The following DOCK2 variants were observed in gnomAD, a reference collection of about 807,000 sequenced individuals.
DOCK2 encodes dedicator of cytokinesis protein 2.
Under a neutral mutation model 248.9 loss-of-function variants are expected in DOCK2, and 87 were observed. The observed-to-expected ratio is 0.35, with a 90% CI of 0.29 to 0.42. DOCK2 has a LOEUF of 0.42. DOCK2 is among the 10% of genes least tolerant of loss of function. The probability of loss-of-function intolerance (pLI) is 1.00; values close to 1 mark genes in which losing one functional copy is unlikely to be tolerated. For missense variants in DOCK2, 1,747 were observed against 2,300.2 expected (o/e 0.76, Z 4.92); for synonymous variants, 805 against 821.6 (o/e 0.98, Z 0.35).
At chr5:169,789,790 T>A (rs901248224) in intron 25 of DOCK2, among the ~76,000 whole-genome samples, 1 of 152,212 alleles carries the variant, frequency 6.6e-6, no homozygotes, top group African/African-American at 2.4e-5. Context: ...CTGTCTCATC[T>A]CTCTATCTTC....
intron 14 of DOCK2, among the ~76,000 whole-genome samples, chr5:169,702,946 T>C (rs1335050337): frequency 2.0e-5 from 3 of 152,184 alleles, no homozygotes; most frequent in African/African-American, 7.2e-5. Flanking sequence ...TAAATTGGTC[T>C]CCAGAGAGCT....
intron 25 of DOCK2, among the ~76,000 whole-genome samples, chr5:169,777,264 A>G (rs1055258088): frequency 6.6e-6 from 1 of 152,196 alleles, no homozygotes; most frequent in Non-Finnish European, 1.5e-5. Context: ...TTGGAGTAAC[A>G]TGATCCAATT....
In DOCK2 at chr5:169,707,061, C is replaced by G. The variant is rs555522909; in HGVS notation, c.1384-1108C>G. ...AATTTCAGGGGCTGGGGCTCCAAAA[C>G]CAAATCTTATGAATCTGGCAATTTG... is the stretch of plus-strand genomic sequence containing the variant. On this transcript the variant is annotated intron_variant, in intron 14 of 51. Transcript: ENST00000520908. Among the ~76,000 whole-genome samples the G allele has an allele frequency of 7.0e-4, 107 of 152,274 alleles. 1 individual carries two copies. The highest frequency in any genetic ancestry group is 2.1e-3 in the African/African-American group (88 of 41,556).
Position 169,669,346 on chromosome 5 carries a change from T to C in DOCK2, c.168+18T>C. 1 of 1,614,074 alleles carries C rather than the reference T, an allele frequency of 6.2e-7. No homozygotes were observed. On this transcript the variant is annotated intron_variant, in intron 3 of 51. Transcript: ENST00000520908. ...TGTTACAGGTAAGGTCACCTGGTTT[T>C]TATTTGTGTCAGTACTGGAGGTCTT...
At position 169,681,825 on chromosome 5, in the gene DOCK2, C is replaced by T. The variant is rs1249690685; in HGVS notation, c.552C>T (p.Phe184=). 1 of 1,613,912 alleles carries T rather than the reference C, an allele frequency of 6.2e-7. No homozygotes were observed. Among genetic ancestry groups the T allele is most frequent in the Admixed American group, 1.7e-5 (1 of 60,004 alleles). The change falls in exon 7 of 52, where the codon TTC becomes TTT. Residue 184 remains phenylalanine, a synonymous_variant. Coordinates refer to ENST00000520908, the MANE Select transcript of DOCK2 (RefSeq NM_004946.3). The part of the protein sequence containing the change: ...DPDNTSVISL[F]HAHEEATDKI... ...ATAATACCAGTGTCATCAGCTTGTT[C>T]CATGCACATGAGGAAGCAACTGATA...
At position 170,083,119 on chromosome 5, in the gene DOCK2, C is replaced by T. The variant is rs1581583454; in HGVS notation, c.*261C>T. ...AAGGTACCAGCAAGAATGCCTTCTCCCAGTGTGCTCTCCCCAACATCCTAG... is the reference window on the plus strand; with the variant it reads ...AAGGTACCAGCAAGAATGCCTTCTCTCAGTGTGCTCTCCCCAACATCCTAG... On this transcript the variant is annotated 3_prime_UTR_variant, in exon 52 of 52. Coordinates refer to ENST00000520908, the MANE Select transcript of DOCK2 (RefSeq NM_004946.3). The T allele has an allele frequency of 8.3e-6, 4 of 482,800 alleles. No homozygotes were observed. The highest frequency in any genetic ancestry group is 5.8e-5 in the African/African-American group (3 of 51,782). 29.9% of individuals were successfully genotyped at this position (482,800 alleles called of 1,614,324 possible).
chr5:169,970,109 T>C (rs1392548875), intron 27 of DOCK2, among the ~76,000 whole-genome samples: 1 of 152,180 alleles, frequency 6.6e-6, no homozygotes, highest in East Asian at 1.9e-4. Context: ...CTTAAAGGCA[T>C]GTTCAGATGA....
intron 30 of DOCK2, among the ~76,000 whole-genome samples, chr5:170,002,573 A>AT (rs1049961889): frequency 4.5e-4 from 69 of 152,150 alleles, no homozygotes; most frequent in Non-Finnish European, 3.7e-4. Flanking sequence ...TCTATCATTT[A>AT]TTTTTTTAAC....
chr5:169,697,359 G>C (rs1324892773), intron 10 of DOCK2, among the ~76,000 whole-genome samples: 1 of 152,184 alleles, frequency 6.6e-6, no homozygotes, highest in Non-Finnish European at 1.5e-5. Context: ...TCAGCCAGCT[G>C]TTCCAAGCTT....
chr5:169,710,772 A>C (rs370179719), intron 15 of DOCK2, among the ~76,000 whole-genome samples: 1 of 152,100 alleles, frequency 6.6e-6, no homozygotes, highest in African/African-American at 2.4e-5. Context: ...CCCATACCCA[A>C]TGCCTTCGAA....
chr5:169,993,298 T>C (rs901823809), intron 29 of DOCK2, among the ~76,000 whole-genome samples: 1 of 152,204 alleles, frequency 6.6e-6, no homozygotes, highest in Non-Finnish European at 1.5e-5. Flanking sequence ...ATTTCTGTTT[T>C]TGTATGGTGC....
intron 22 of DOCK2, among the ~76,000 whole-genome samples, chr5:169,743,920 G>A (rs915131332): frequency 5.4e-5 from 8 of 148,052 alleles, no homozygotes; most frequent in East Asian, 2.0e-4. Context: ...ATAAATTTAA[G>A]ATTTATATTA....
intron 27 of DOCK2, among the ~76,000 whole-genome samples, chr5:169,888,668 G>A (rs1368735787): frequency 6.6e-6 from 1 of 152,204 alleles, no homozygotes; most frequent in Admixed American, 6.5e-5. Context: ...CTACGTAGAT[G>A]AGACTCTTCC....
At chr5:169,856,508 G>A (rs1263296700) in intron 27 of DOCK2, among the ~76,000 whole-genome samples, 1 of 152,128 alleles carries the variant, frequency 6.6e-6, no homozygotes, top group Non-Finnish European at 1.5e-5. Context: ...ACCCACTCCA[G>A]GTCAGCAGCC....
At chr5:169,756,525 A>T (rs1764203013) in intron 23 of DOCK2, among the ~76,000 whole-genome samples, 1 of 152,198 alleles carries the variant, frequency 6.6e-6, no homozygotes, top group Admixed American at 6.5e-5. Context: ...AGGCTCAAGG[A>T]GTGAACAAAT....
intron 29 of DOCK2, among the ~76,000 whole-genome samples, chr5:169,989,340 A>C (rs1037231681): frequency 6.6e-6 from 1 of 152,202 alleles, no homozygotes; most frequent in Non-Finnish European, 1.5e-5. Context: ...AATGAACAAG[A>C]TTATGCCTAG....
intron 27 of DOCK2, among the ~76,000 whole-genome samples, chr5:169,878,976 T>C (rs1005986144): frequency 6.6e-6 from 1 of 152,064 alleles, no homozygotes; most frequent in African/African-American, 2.4e-5. Context: ...TGTATCCAAG[T>C]GTTCAATGGT....
chr5:169,681,285 G>A (rs1581024688), intron 6 of DOCK2, among the ~76,000 whole-genome samples: 1 of 151,592 alleles, frequency 6.6e-6, no homozygotes. Flanking sequence ...CACCATGCCT[G>A]GCTAATTTTT....
chr5:170,079,527 C>T (rs1452869291), intron 49 of DOCK2: 1 of 212,520 alleles, frequency 4.7e-6, no homozygotes, highest in Non-Finnish European at 9.7e-6. Flanking sequence ...CTATTCTAAC[C>T]ACTGATGTCT....
Sources: allele counts gnomAD v4.1 joint callset (sites outside exome capture counted in the v4.1 genomes callset), GRCh38; gene constraint gnomAD v4.1.1; transcripts MANE v1.5; gene names NCBI Gene and HGNC (gene_info 2026-07-23, HGNC 2026-07-21).